PI15: variants seen among roughly 807,000 people sequenced by gnomAD.
The protein encoded by PI15 is 25 kDa trypsin inhibitor.
In PI15, 18 loss-of-function variants were observed where a neutral mutation model predicts 31.0. The ratio of observed to expected loss-of-function variants is 0.58; its 90% CI spans 0.40 to 0.86. The LOEUF is 0.86. PI15 is among the 40% of genes least tolerant of loss of function. The probability of loss-of-function intolerance (pLI) is 0.00; values close to 1 mark genes in which losing one functional copy is unlikely to be tolerated. For missense variants in PI15, 282 were observed against 328.1 expected, an observed-to-expected ratio of 0.86 and a Z score of 1.09; for synonymous variants, 118 against 119.1, an observed-to-expected ratio of 0.99 and a Z score of 0.06.
rs779710370 is a variant in PI15 at position 74,825,349 on chromosome 8, A to C, written c.100A>C (p.Thr34Pro). 3 of 1,613,362 alleles carry C rather than the reference A, an allele frequency of 1.9e-6. No homozygotes were observed. In the South Asian group the frequency reaches 3.3e-5, roughly 18 times the overall value. Reference sequence around the variant, plus strand: ...CAATTCCACTGACTCATCCCCGCCAACCAATAATTTCACTGATATTGAAGC... The same window carrying C: ...CAATTCCACTGACTCATCCCCGCCACCCAATAATTTCACTGATATTGAAGC... ...LLNSTDSSPP[T>P]NNFTDIEAAL... is the part of the protein sequence containing the mutation. The change falls in exon 2 of 6, where the codon ACC (threonine) becomes CCC (proline). Residue 34 changes from threonine (T) to proline (P), a missense_variant. Coordinates refer to ENST00000260113, the MANE Select transcript of PI15 (RefSeq NM_015886.5).
In PI15 at chr8:74,850,682, T is replaced by A. The variant is rs1811093127; in HGVS notation, c.*1429T>A. 3 of 152,176 alleles carry A rather than the reference T, an allele frequency of 2.0e-5. No individual in the cohort carries two copies. Among genetic ancestry groups the A allele is most frequent in the Admixed American group, 2.0e-4 (3 of 15,278 alleles). 9.4% of individuals were successfully genotyped at this position (152,176 alleles called of 1,614,324 possible). A position where few individuals can be genotyped will look rare whatever the true frequency, so the allele number is the denominator to read the frequency against. On this transcript the variant is annotated 3_prime_UTR_variant, in exon 6 of 6. Transcript: ENST00000260113. ...GTTTCTGTAGAAGAAACATTTTCAG[T>A]TCTTCATTGAGTTTGATTATGGAAA...
chr8:74,846,464 C>G (rs187853884), intron 5 of PI15, among the ~76,000 whole-genome samples: 58 of 152,202 alleles, frequency 3.8e-4, no homozygotes, highest in Non-Finnish European at 7.4e-4. Flanking sequence ...TCCTATGAAG[C>G]CTTTACCCTT....
At chr8:74,831,145 T>C (rs1435151332) in intron 2 of PI15, among the ~76,000 whole-genome samples, 1 of 152,174 alleles carries the variant, frequency 6.6e-6, no homozygotes, top group Non-Finnish European at 1.5e-5. Flanking sequence ...ATTTTGTTTG[T>C]CACCATTTTC....
chr8:74,839,455 G>C (rs1192456832), intron 2 of PI15, among the ~76,000 whole-genome samples: 1 of 152,074 alleles, frequency 6.6e-6, no homozygotes, highest in Non-Finnish European at 1.5e-5. Context: ...GAATTAAACT[G>C]TATCTGATTT....
Position 74,845,249 on chromosome 8 carries a change from C to T in PI15, c.514C>T (p.His172Tyr). The stretch of plus-strand genomic sequence containing the variant: ...GAGATGTTTTGGTCCCATGTGCACA[C>T]ATTATACGCAGGTTATTTCAATTAC... ...PMRCFGPMCT[H>Y]YTQMVWATSN... Residue 172 changes from histidine to tyrosine, a missense_variant, in exon 4 of 6, where the codon CAT (histidine) becomes TAT (tyrosine). Transcript: ENST00000260113. 1.9e-6 allele frequency: 3 copies of T among 1,613,430 alleles called. No homozygotes were observed. The highest frequency in any genetic ancestry group is 2.5e-6 in the Non-Finnish European group (3 of 1,179,366).
chr8:74,837,052 T>C (rs1810882574), intron 2 of PI15, among the ~76,000 whole-genome samples: 2 of 152,124 alleles, frequency 1.3e-5, no homozygotes, highest in African/African-American at 4.8e-5. Flanking sequence ...CCCCTAAAAA[T>C]AGTACACCTT....
Position 74,849,235 on chromosome 8 carries a change from C to T in PI15, c.759C>T (p.Tyr253=), listed in dbSNP as rs375982020. The T allele has an allele frequency of 2.0e-5, 33 of 1,612,280 alleles. No individual in the cohort carries two copies. In the African/African-American group the frequency reaches 4.1e-4, roughly 20 times the overall value. Residue 253 remains tyrosine (Y), a synonymous_variant, in exon 6 of 6, where the codon TAC becomes TAT. Coordinates refer to ENST00000260113, the MANE Select transcript of PI15 (RefSeq NM_015886.5). ...NLCFPGVTSN[Y]LYWFK is the part of the protein sequence containing the mutation. ...GTTTTCCAGGAGTTACGTCAAACTA[C>T]CTGTACTGGTTTAAATAAGTTTACC...
In PI15 at chr8:74,825,369, T is replaced by C. The variant is rs1313234102; in HGVS notation, c.120T>C (p.Ile40=). ...SSPPTNNFTD[I]EAALKAQLDS... ...CGCCAACCAATAATTTCACTGATAT[T>C]GAAGCAGCTCTGAAAGCACAATTAG... Residue 40 remains isoleucine, a synonymous_variant, in exon 2 of 6, where the codon ATT becomes ATC. Transcript: ENST00000260113. The C allele has an allele frequency of 1.9e-6, 3 of 1,613,512 alleles. No individual in the cohort carries two copies. The highest frequency in any genetic ancestry group is 2.5e-6 in the Non-Finnish European group (3 of 1,179,668).
intron 2 of PI15, among the ~76,000 whole-genome samples, chr8:74,829,411 A>G (rs1434676713): frequency 6.6e-6 from 1 of 152,006 alleles, no homozygotes; most frequent in Non-Finnish European, 1.5e-5. Flanking sequence ...GCTGTTTTTT[A>G]TTCTTCCTGA....
chr8:74,825,397 T>C lies in PI15; in HGVS notation c.148T>C (p.Ser50Pro), dbSNP rs746085279. 4 of 1,613,524 alleles carry C rather than the reference T, an allele frequency of 2.5e-6. No homozygotes were observed. The highest frequency in any genetic ancestry group is 3.4e-6 in the Non-Finnish European group (4 of 1,179,616). Residue 50 changes from serine to proline, a missense_variant, in exon 2 of 6, where the codon TCA (serine) becomes CCA (proline). Coordinates refer to ENST00000260113, the MANE Select transcript of PI15 (RefSeq NM_015886.5). ...IEAALKAQLD[S>P]ADIPKARRKR... ...AGCAGCTCTGAAAGCACAATTAGATTCAGCGGATATCCCCAAAGCCAGGCG... is the reference window on the plus strand; with the variant it reads ...AGCAGCTCTGAAAGCACAATTAGATCCAGCGGATATCCCCAAAGCCAGGCG...
rs927206170 is a variant in PI15, at chr8:74,854,904, G to A, written c.*5651G>A. On this transcript the variant is annotated 3_prime_UTR_variant, in exon 6 of 6. Transcript: ENST00000260113. ...GCAAAAATGGTGCCTCTGATGTTGT[G>A]ATATAGTATTGTCAGTGTGTACATA... 1 of 152,078 alleles carries A rather than the reference G, an allele frequency of 6.6e-6. No individual in the cohort carries two copies. The highest frequency in any genetic ancestry group is 2.4e-5 in the African/African-American group (1 of 41,426). The allele number at this position is 152,078 out of a possible 1,614,324, so 9.4% of individuals were successfully genotyped here.
At chr8:74,843,662 G>A (rs1006403876) in intron 2 of PI15, among the ~76,000 whole-genome samples, 1 of 152,114 alleles carries the variant, frequency 6.6e-6, no homozygotes, top group Non-Finnish European at 1.5e-5. Context: ...CTCGGAGTTC[G>A]TGACCGGCCT....
Position 74,843,971 on chromosome 8 carries a change from T to TC in PI15, c.274-6dup, listed in dbSNP as rs760877991. The TC allele has an allele frequency of 1.5e-6, 2 of 1,356,704 alleles. No individual in the cohort carries two copies. The highest frequency in any genetic ancestry group is 1.1e-6 in the Non-Finnish European group (1 of 945,140). The allele number at this position is 1,356,704 out of a possible 1,614,324, so 84.0% of individuals were successfully genotyped here. A position where few individuals can be genotyped will look rare whatever the true frequency, so the allele number is the denominator to read the frequency against. On this transcript the variant is annotated splice_polypyrimidine_tract_variant and intron_variant, in intron 2 of 5. Coordinates refer to ENST00000260113, the MANE Select transcript of PI15 (RefSeq NM_015886.5). ...AATTCCGTAACGCTGAAGATTTTTT[T>TC]CCCCTACAGGTTTGGGATGAAAATC...
At chr8:74,848,089 TTTA>T (rs1219906603) in intron 5 of PI15, among the ~76,000 whole-genome samples, 1 of 152,182 alleles carries the variant, frequency 6.6e-6, no homozygotes, top group Non-Finnish European at 1.5e-5. Flanking sequence ...GAGATTTTGG[TTTA>T]TTATTATGAT....
chr8:74,843,691 C>G (rs1810977485), intron 2 of PI15, among the ~76,000 whole-genome samples: 2 of 152,094 alleles, frequency 1.3e-5, no homozygotes, highest in Admixed American at 1.3e-4. Flanking sequence ...TGGTGAAACC[C>G]TATCACTACG....
chr8:74,843,333 A>G (rs933947344), intron 2 of PI15, among the ~76,000 whole-genome samples: 1 of 152,234 alleles, frequency 6.6e-6, no homozygotes, highest in Non-Finnish European at 1.5e-5. Context: ...AAAAGGCAGT[A>G]ATTTTTTGTA....
Position 74,825,221 on chromosome 8 carries a change from C to G in PI15, c.-29C>G. 6.2e-7 allele frequency: 1 copy of G among 1,606,306 alleles called. No homozygotes were observed. Among genetic ancestry groups the G allele is most frequent in the Non-Finnish European group, 8.5e-7 (1 of 1,174,320 alleles). On this transcript the variant is annotated 5_prime_UTR_variant, in exon 2 of 6. Transcript: ENST00000260113. ...TTTCTGCTTTAAAGCAAAGTAAACT[C>G]GGTGGCCTCTTCTTCTCCACCCCTC...
chr8:74,831,026 G>A (rs535888280), intron 2 of PI15, among the ~76,000 whole-genome samples: 67 of 152,228 alleles, frequency 4.4e-4, no homozygotes, highest in African/African-American at 1.5e-3. Flanking sequence ...TTTCTTCCAC[G>A]GTGCACGTTG....
rs561151868 is a variant in PI15 at position 74,829,172 on chromosome 8, T to C, written c.273+3650T>C. The stretch of plus-strand genomic sequence containing the variant: ...TGAATTTAGATGAAATCCTTGTGAA[T>C]TGTTATGTGTTTATAATTAGCATTA... On this transcript the variant is annotated intron_variant, in intron 2 of 5. Transcript: ENST00000260113. Among the ~76,000 whole-genome samples, 16 of 152,240 alleles carry C rather than the reference T, an allele frequency of 1.1e-4. No homozygotes were observed. In the East Asian group the frequency reaches 2.9e-3, roughly 28 times the overall value.
Sources: gnomAD v4.1 joint callset for allele counts (sites outside exome capture counted in the v4.1 genomes callset) on GRCh38, gnomAD v4.1.1 for gene constraint, MANE v1.5 for transcripts, NCBI Gene and HGNC (gene_info 2026-07-23, HGNC 2026-07-21) for gene names.